MIR2052HG: variants seen among roughly 807,000 people sequenced by gnomAD.
MIR2052HG encodes MIR2052 host gene.
At chr8:74,663,547 G>A (rs1808889514) in intron 2 of MIR2052HG, among the ~76,000 whole-genome samples, 1 of 152,202 alleles carries the variant, frequency 6.6e-6, no homozygotes, top group African/African-American at 2.4e-5. Flanking sequence ...GTCACTTGCA[G>A]TCTGTTTTCC....
intron 1 of MIR2052HG, among the ~76,000 whole-genome samples, chr8:74,600,271 T>C (rs59322785): frequency 0.28 from 41,656 of 150,774 alleles, 6,281 homozygotes; most frequent in Middle Eastern, 0.43. Context: ...CTGTTTTATT[T>C]CTTTTCTTTT....
At chr8:74,747,090 C>A (rs1440987783) in intron 4 of MIR2052HG, among the ~76,000 whole-genome samples, 1 of 152,070 alleles carries the variant, frequency 6.6e-6, no homozygotes, top group African/African-American at 2.4e-5. Context: ...TATACATATA[C>A]TCTAGATGTG....
At chr8:74,695,067 G>C (rs1809281595) in intron 2 of MIR2052HG, among the ~76,000 whole-genome samples, 1 of 151,996 alleles carries the variant, frequency 6.6e-6, no homozygotes, top group African/African-American at 2.4e-5. Context: ...TCTGCATCAG[G>C]TAACATATAA....
At chr8:74,682,037 A>T (rs1809131039) in intron 2 of MIR2052HG, among the ~76,000 whole-genome samples, 1 of 152,182 alleles carries the variant, frequency 6.6e-6, no homozygotes, top group African/African-American at 2.4e-5. Flanking sequence ...CAAAGATATT[A>T]AAATGAGCAG....
intron 2 of MIR2052HG, among the ~76,000 whole-genome samples, chr8:74,670,064 G>T (rs1424161550): frequency 6.6e-6 from 1 of 152,138 alleles, no homozygotes; most frequent in Non-Finnish European, 1.5e-5. Context: ...CAGCAAGAAG[G>T]CTGCTGTCTG....
chr8:74,699,163 A>G (rs1233112330), intron 2 of MIR2052HG, among the ~76,000 whole-genome samples: 1 of 152,150 alleles, frequency 6.6e-6, no homozygotes. Context: ...GTTGGTGGGA[A>G]TGTAAACTAG....
chr8:74,638,286 T>C (rs115691274), intron 2 of MIR2052HG, among the ~76,000 whole-genome samples: 1,923 of 152,196 alleles, frequency 0.013, 49 homozygotes, highest in African/African-American at 0.043. Context: ...TATAAAAGTA[T>C]GAGAGAGAAA....
intron 2 of MIR2052HG, among the ~76,000 whole-genome samples, chr8:74,681,222 A>T (rs985685338): frequency 1.3e-5 from 2 of 151,908 alleles, no homozygotes; most frequent in African/African-American, 2.4e-5. Flanking sequence ...ATAATAATAA[A>T]AAAAAGACAC....
chr8:74,600,490 G>A (rs1807980444), intron 1 of MIR2052HG, among the ~76,000 whole-genome samples: 1 of 150,954 alleles, frequency 6.6e-6, no homozygotes, highest in South Asian at 2.1e-4. Context: ...GCTGAGGCAG[G>A]AGAATGGCAT....
At chr8:74,650,558 C>G (rs1808741039) in intron 2 of MIR2052HG, among the ~76,000 whole-genome samples, 1 of 152,020 alleles carries the variant, frequency 6.6e-6, no homozygotes, top group African/African-American at 2.4e-5. Context: ...GGGGTGAAAA[C>G]TTAGGAATGG....
At chr8:74,599,911 G>A (rs1807962540) in intron 1 of MIR2052HG, 1 of 166,318 alleles carries the variant, frequency 6.0e-6, no homozygotes, top group Admixed American at 6.4e-5. Flanking sequence ...CGAGCCAGGT[G>A]CGTGATATAC....
At chr8:74,652,210 A>G (rs1808760494) in intron 2 of MIR2052HG, among the ~76,000 whole-genome samples, 1 of 152,156 alleles carries the variant, frequency 6.6e-6, no homozygotes, top group South Asian at 2.1e-4. Flanking sequence ...TACTCAAAGT[A>G]TTTGATAGTC....
At chr8:74,652,796 A>G (rs1383359688) in intron 2 of MIR2052HG, among the ~76,000 whole-genome samples, 2 of 152,154 alleles carry the variant, frequency 1.3e-5, no homozygotes, top group Non-Finnish European at 2.9e-5. Flanking sequence ...TTTTATGTGA[A>G]CTGGCCACCA....
intron 2 of MIR2052HG, among the ~76,000 whole-genome samples, chr8:74,643,370 A>T (rs1808660279): frequency 6.6e-6 from 1 of 152,206 alleles, no homozygotes; most frequent in Non-Finnish European, 1.5e-5. Context: ...AAATTCTTTA[A>T]AGACCAGAAA....
chr8:74,682,606 G>A (rs1359418448), intron 2 of MIR2052HG, among the ~76,000 whole-genome samples: 1 of 152,080 alleles, frequency 6.6e-6, no homozygotes, highest in Admixed American at 6.6e-5. Flanking sequence ...AGCTGCATGA[G>A]ATACAGCTTA....
chr8:74,730,942 G>A (rs115782391), intron 4 of MIR2052HG, among the ~76,000 whole-genome samples: 2,200 of 152,268 alleles, frequency 0.014, 55 homozygotes, highest in African/African-American at 0.047. Flanking sequence ...AAGAAGGTCT[G>A]GTGTACAAAT....
chr8:74,728,570 A>T (rs1466734329), intron 4 of MIR2052HG, among the ~76,000 whole-genome samples: 2 of 152,172 alleles, frequency 1.3e-5, no homozygotes, highest in East Asian at 3.8e-4. Flanking sequence ...CTATATACAC[A>T]ATTGTAATTC....
At chr8:74,676,266 A>C (rs1809050486) in intron 2 of MIR2052HG, among the ~76,000 whole-genome samples, 1 of 152,056 alleles carries the variant, frequency 6.6e-6, no homozygotes, top group African/African-American at 2.4e-5. Flanking sequence ...ATAGCAGATA[A>C]ATTAATAATA....
intron 1 of MIR2052HG, among the ~76,000 whole-genome samples, chr8:74,602,876 T>TC (rs1554570015): frequency 0.037 from 5,026 of 135,944 alleles, 805 homozygotes; most frequent in East Asian, 0.077. Flanking sequence ...TTTCTTTCTT[T>TC]TTTCTATTCA....
Sources: gnomAD v4.1 joint callset for allele counts (sites outside exome capture counted in the v4.1 genomes callset) on GRCh38, gnomAD v4.1.1 for gene constraint, MANE v1.5 for transcripts, NCBI Gene and HGNC (gene_info 2026-07-23, HGNC 2026-07-21) for gene names.